Variants in PIGB observed in about 807,000 individuals in gnomAD.
The protein encoded by PIGB is phosphatidylinositol glycan anchor biosynthesis class B, also known as GPI alpha-1,2-mannosyltransferase 3.
PIGB carries 58 observed loss-of-function variants against 68.4 expected under a neutral mutation model. That is an observed-to-expected ratio of 0.85 (90% CI 0.69 to 1.06). The LOEUF (loss-of-function observed/expected upper bound fraction) is 1.06, where lower values mean the gene tolerates loss of function less well. PIGB is among the 50% of genes least tolerant of loss of function. PIGB has a pLI of 0.00. For synonymous variants in PIGB, 219 were observed against 220.5 expected (o/e 0.99, Z 0.06); for missense variants, 634 against 655.8 (o/e 0.97, Z 0.36).
At chr15:55,324,172 C>T (rs1442751035) in intron 3 of PIGB, among the ~76,000 whole-genome samples, 1 of 152,138 alleles carries the variant, frequency 6.6e-6, no homozygotes, top group Non-Finnish European at 1.5e-5. Flanking sequence ...AGCTTGCCAA[C>T]AGTAGGGTCT....
At chr15:55,331,036 G>A (rs2055401378) in intron 5 of PIGB, among the ~76,000 whole-genome samples, 1 of 152,154 alleles carries the variant, frequency 6.6e-6, no homozygotes, top group African/African-American at 2.4e-5. Flanking sequence ...GCAGTTTTGG[G>A]GAATGGACTG....
chr15:55,329,853 A>G lies in PIGB; in HGVS notation c.652A>G (p.Ser218Gly), dbSNP rs1050970993. The G allele has an allele frequency of 1.3e-6, 2 of 1,549,002 alleles. No individual in the cohort carries two copies. The highest frequency in any genetic ancestry group is 1.9e-5 in the Admixed American group (1 of 51,394). ...YPLEGSKSMNSVKYSSLVALA... is the reference protein window; with the variant it reads ...YPLEGSKSMNGVKYSSLVALA... ...TTTGGAAGGTTCAAAGTCTATGAAC[A>G]GGTAAGAAAAATTATTGTTAATAAT... The change falls in exon 5 of 12, where the codon AGT (serine) becomes GGT (glycine). Residue 218 changes from serine (S) to glycine (G), a missense_variant and splice_region_variant. By Grantham distance (56) the Ser-to-Gly change is moderately conservative. Coordinates refer to ENST00000164305, the MANE Select transcript of PIGB (RefSeq NM_004855.5).
At chr15:55,342,950 G>C (rs1187256086) in intron 9 of PIGB, among the ~76,000 whole-genome samples, 1 of 152,022 alleles carries the variant, frequency 6.6e-6, no homozygotes. Context: ...ACAGCGTTGA[G>C]AGAGAAGAAA....
chr15:55,328,927 G>C (rs1304760141), intron 4 of PIGB, among the ~76,000 whole-genome samples: 2 of 152,138 alleles, frequency 1.3e-5, no homozygotes, highest in African/African-American at 4.8e-5. Flanking sequence ...TCTAACCTGG[G>C]TGACAGAGCA....
At chr15:55,321,646 C>CTTTTTTTTTTTT (rs966940527) in intron 3 of PIGB, among the ~76,000 whole-genome samples, 1 of 68,348 alleles carries the variant, frequency 1.5e-5, no homozygotes, top group Non-Finnish European at 2.6e-5. Flanking sequence ...ATACTTCTTT[C>CTTTTTTTTTTTT]TTTTTTTTTT....
chr15:55,323,326 A>T (rs958132164), intron 3 of PIGB, among the ~76,000 whole-genome samples: 1 of 152,216 alleles, frequency 6.6e-6, no homozygotes, highest in African/African-American at 2.4e-5. Context: ...TACAAACTGC[A>T]TAAGGCTTAT....
At chr15:55,334,805 C>T (rs1157074543) in intron 6 of PIGB, among the ~76,000 whole-genome samples, 3 of 152,170 alleles carry the variant, frequency 2.0e-5, no homozygotes, top group South Asian at 2.1e-4. Context: ...CTGCAGCCTC[C>T]GCCTCCCAGG....
Position 55,354,916 on chromosome 15 carries a change from A to T in PIGB, c.1456A>T (p.Arg486Ter), listed in dbSNP as rs778718205. 6.2e-7 allele frequency: 1 copy of T among 1,613,468 alleles called. No individual in the cohort carries two copies. The highest frequency in any genetic ancestry group is 1.1e-5 in the South Asian group (1 of 90,972). ...FYLNPLNWLH[R>*]EFHDDASLPT... ...CCTAAATCCCTTAAACTGGTTACAT[A>T]GAGAGTTTCATGATGATGCATCATT... The change falls in exon 11 of 12, where the codon AGA (arginine) becomes TGA (stop). Residue 486 changes from arginine (R) to a stop codon, truncating the protein, a stop_gained. Transcript: ENST00000164305. LOFTEE classifies it high-confidence loss of function.
intron 6 of PIGB, among the ~76,000 whole-genome samples, chr15:55,336,032 CTG>C (rs546946504): frequency 1.2e-3 from 186 of 151,564 alleles, no homozygotes; most frequent in African/African-American, 4.4e-3. Flanking sequence ...AAGTCAAAGT[CTG>C]TGGGGGAAAA....
intron 7 of PIGB, 101 bp downstream of exon 7, chr15:55,339,419 C>T (rs1191946042): frequency 4.1e-6 from 3 of 731,032 alleles, no homozygotes; most frequent in Middle Eastern, 3.8e-4. Flanking sequence ...GGATACATTA[C>T]AAAAGACTTC....
At position 55,319,290 on chromosome 15, in the gene PIGB, G is replaced by T; in HGVS notation, c.40G>T (p.Gly14Cys). ...AAGCAAGTGCGGAATGGAGCCGGGG[G>T]GCGGAGATGCCAGCCTCACTTTGCA... ...PLSKCGMEPG[G>C]GDASLTLHGL... Residue 14 changes from glycine (G) to cysteine (C), a missense_variant, in exon 1 of 12, where the codon GGC (glycine) becomes TGC (cysteine). Coordinates refer to ENST00000164305, the MANE Select transcript of PIGB (RefSeq NM_004855.5). The T allele has an allele frequency of 6.2e-7, 1 of 1,606,624 alleles. No individual in the cohort carries two copies. Among genetic ancestry groups the T allele is most frequent in the Non-Finnish European group, 8.5e-7 (1 of 1,177,086 alleles).
chr15:55,322,524 CAG>C (rs1595767231), intron 3 of PIGB, among the ~76,000 whole-genome samples: 3 of 152,116 alleles, frequency 2.0e-5, no homozygotes, highest in African/African-American at 4.8e-5. Context: ...AGATGAGACT[CAG>C]AGTTTGTGCT....
At chr15:55,339,191 C>T (rs1286565925) in intron 6 of PIGB, 76 bp from the exon 7 acceptor site, 7 of 967,568 alleles carry the variant, frequency 7.2e-6, no homozygotes, top group Admixed American at 2.4e-5. Context: ...ATGCAAGGCA[C>T]GTACAAAGCC....
chr15:55,321,256 C>A lies in PIGB; in HGVS notation c.300-17C>A. ...AGGTTTCAATATTATTGGACATTTACTCCTTAATGTTACTAATTATGGTTA... is the reference window on the plus strand; with the variant it reads ...AGGTTTCAATATTATTGGACATTTAATCCTTAATGTTACTAATTATGGTTA... On this transcript the variant is annotated splice_polypyrimidine_tract_variant and intron_variant, in intron 2 of 11. Coordinates refer to ENST00000164305, the MANE Select transcript of PIGB (RefSeq NM_004855.5). The A allele has an allele frequency of 1.3e-6, 2 of 1,541,948 alleles. No homozygotes were observed. The highest frequency in any genetic ancestry group is 2.1e-5 in the Admixed American group (1 of 47,898).
At chr15:55,353,889 G>T (rs2141226788) in intron 10 of PIGB, among the ~76,000 whole-genome samples, 1 of 152,078 alleles carries the variant, frequency 6.6e-6, no homozygotes, top group Non-Finnish European at 1.5e-5. Flanking sequence ...ACAGGCATAA[G>T]CCACTGCACC....
At chr15:55,326,282 A>G (rs2055284265) in intron 3 of PIGB, among the ~76,000 whole-genome samples, 1 of 151,754 alleles carries the variant, frequency 6.6e-6, no homozygotes, top group African/African-American at 2.4e-5. Flanking sequence ...ACATAATATT[A>G]TCTTATTATC....
chr15:55,337,401 G>GAGCA (rs756598585), intron 6 of PIGB, among the ~76,000 whole-genome samples: 14 of 152,180 alleles, frequency 9.2e-5, no homozygotes, highest in African/African-American at 2.9e-4. Flanking sequence ...AGCAGGAGGT[G>GAGCA]AGCAAGCAAG....
At chr15:55,347,731 T>C (rs757780242) in intron 9 of PIGB, among the ~76,000 whole-genome samples, 2 of 152,202 alleles carry the variant, frequency 1.3e-5, no homozygotes, top group African/African-American at 4.8e-5. Context: ...CTAAGTAATA[T>C]GGAGATTCAG....
chr15:55,339,119 T>A (rs930488162), intron 6 of PIGB, 148 bp from the exon 7 acceptor site: 25 of 637,514 alleles, frequency 3.9e-5, no homozygotes, highest in Non-Finnish European at 6.1e-5. Flanking sequence ...TAGATACCTT[T>A]CAAAATGTGT....
Sources: allele counts gnomAD v4.1 joint callset (sites outside exome capture counted in the v4.1 genomes callset), GRCh38; gene constraint gnomAD v4.1.1; transcripts MANE v1.5; gene names NCBI Gene and HGNC (gene_info 2026-07-23, HGNC 2026-07-21).